NTRK1: variants seen among roughly 807,000 people sequenced by gnomAD.
The protein encoded by NTRK1 is neurotrophic receptor tyrosine kinase 1, also known as high affinity nerve growth factor receptor.
A neutral mutation model predicts 86.8 loss-of-function variants in NTRK1; 62 were observed. That is an observed-to-expected ratio of 0.71 (90% CI 0.58 to 0.88). NTRK1 has a LOEUF of 0.88. Ranked by LOEUF, NTRK1 falls within the 40% of genes least tolerant of loss-of-function variation. The pLI is 0.00. For missense variants in NTRK1, 967 were observed against 1,078.4 expected (o/e 0.90, Z 1.45); for synonymous variants, 469 against 456.6 (o/e 1.03, Z -0.35).
intron 1 of NTRK1, among the ~76,000 whole-genome samples, chr1:156,863,082 G>T (rs1655752415): frequency 6.6e-6 from 1 of 151,486 alleles, no homozygotes; most frequent in Non-Finnish European, 1.5e-5. Flanking sequence ...GTTGGGGTGG[G>T]GGGGGCACAC....
chr1:156,856,328 G>A (rs1296589893), upstream of NTRK1, among the ~76,000 whole-genome samples: 3 of 152,176 alleles, frequency 2.0e-5, no homozygotes, highest in African/African-American at 4.8e-5. Flanking sequence ...CTGTGACTGC[G>A]AAGAAGTGAT....
At position 156,876,492 on chromosome 1, in the gene NTRK1, C is replaced by T. The variant is rs2102919609; in HGVS notation, c.1725C>T (p.Phe575=). 1 of 1,613,810 alleles carries T rather than the reference C, an allele frequency of 6.2e-7. No individual in the cohort carries two copies. The highest frequency in any genetic ancestry group is 8.5e-7 in the Non-Finnish European group (1 of 1,180,026). The change falls in exon 14 of 17, where the codon TTC becomes TTT. Residue 575 remains phenylalanine, a synonymous_variant. Transcript: ENST00000524377. ...TGCAGCACCAGCACATCGTGCGCTTCTTCGGCGTCTGCACCGAGGGCCGCC... is the reference window on the plus strand; with the variant it reads ...TGCAGCACCAGCACATCGTGCGCTTTTTCGGCGTCTGCACCGAGGGCCGCC... ...TMLQHQHIVR[F]FGVCTEGRPL...
intron 2 of NTRK1, 50 bp from the exon 3 acceptor site, chr1:156,864,678 G>A: frequency 1.3e-6 from 2 of 1,592,892 alleles, no homozygotes; most frequent in East Asian, 4.5e-5. Flanking sequence ...AGGGCCAGGG[G>A]CCCAGAGTAG....
At chr1:156,845,772 C>T in intron 2 of NTRK1, 7 of 1,613,310 alleles carry the variant, frequency 4.3e-6, no homozygotes, top group Non-Finnish European at 5.9e-6. Context: ...CCCGTCTTCG[C>T]CGTCGAAGCG....
At chr1:156,844,228 C>A in intron 2 of NTRK1, 1 of 1,613,884 alleles carries the variant, frequency 6.2e-7, no homozygotes, top group Non-Finnish European at 8.5e-7. Flanking sequence ...GCAGCGTGAG[C>A]CCCACAGGGG....
chr1:156,822,509 C>T (rs1211157238), intron 1 of NTRK1, among the ~76,000 whole-genome samples: 4 of 150,254 alleles, frequency 2.7e-5, no homozygotes, highest in Admixed American at 6.7e-5. Context: ...CTGCAGTGAG[C>T]TGTGATCCCA....
chr1:156,853,701 G>C, intron 2 of NTRK1: 1 of 1,536,902 alleles, frequency 6.5e-7, no homozygotes, highest in African/African-American at 1.4e-5. Flanking sequence ...CCAGCCCCAT[G>C]TGACCCTGCT....
chr1:156,843,252 T>TACACTGCAAGGAGGACATA (rs1298901045), intron 2 of NTRK1: 1 of 1,610,162 alleles, frequency 6.2e-7, no homozygotes, highest in Non-Finnish European at 8.5e-7. Context: ...AGGTGGAGGG[T>TACACTGCAAGGAGGACATA]CACAAAGCGA....
intron 2 of NTRK1, chr1:156,846,412 G>A: frequency 1.1e-6 from 1 of 927,330 alleles, no homozygotes; most frequent in South Asian, 1.6e-5. Flanking sequence ...TCCAGCCTCT[G>A]TGGGCCAGGT....
chr1:156,842,218 A>G lies in NTRK1; in HGVS notation c.50+25A>G, dbSNP rs768036718. ...GGTAGGCCATGCCGTCTGCAATCTC[A>G]CCAGCCATTTGGATCATTTCCCCCA... On this transcript the variant is annotated intron_variant, in intron 2 of 16. Transcript: ENST00000392302. The G allele has an allele frequency of 1.9e-6, 3 of 1,613,524 alleles. No individual in the cohort carries two copies. The South Asian group carries it at 3.3e-5, about 18-fold the overall frequency.
Position 156,861,114 on chromosome 1 carries a change from C to G in NTRK1, c.180C>G (p.His60Gln), listed in dbSNP as rs1384007823. ...CTRDGALDSL[H>Q]HLPGAENLTE... ...GGGATGGGGCCCTGGATAGCCTCCA[C>G]CACCTGCCCGGCGCAGAGAACCTGA... Residue 60 changes from histidine (H) to glutamine (Q), a missense_variant, in exon 1 of 17, where the codon CAC becomes CAG. Coordinates refer to ENST00000524377, the MANE Select transcript of NTRK1 (RefSeq NM_002529.4). 1 of 1,583,394 alleles carries G rather than the reference C, an allele frequency of 6.3e-7. No individual in the cohort carries two copies. The highest frequency in any genetic ancestry group is 1.3e-5 in the African/African-American group (1 of 74,608).
intron 2 of NTRK1, chr1:156,849,507 G>T: frequency 8.4e-7 from 1 of 1,194,372 alleles, no homozygotes; most frequent in East Asian, 2.6e-5. Flanking sequence ...TGGGGGCAGG[G>T]GGTGGGAAAG....
intron 2 of NTRK1, chr1:156,842,231 A>G: frequency 6.2e-7 from 1 of 1,613,914 alleles, no homozygotes; most frequent in Non-Finnish European, 8.5e-7. Context: ...AGCCATTTGG[A>G]TCATTTCCCC....
chr1:156,824,544 G>A (rs564091903), intron 1 of NTRK1, among the ~76,000 whole-genome samples: 23 of 152,306 alleles, frequency 1.5e-4, no homozygotes, highest in African/African-American at 5.5e-4. Context: ...TTACTGCCTT[G>A]GACGTCCAAC....
rs765382524 is a variant in NTRK1 at position 156,880,118 on chromosome 1, C to T, written c.2166C>T (p.Thr722=). 3 of 1,613,644 alleles carry T rather than the reference C, an allele frequency of 1.9e-6. No individual in the cohort carries two copies. Among genetic ancestry groups the T allele is most frequent in the Non-Finnish European group, 2.5e-6 (3 of 1,179,978 alleles). Reference sequence around the variant, plus strand: ...GCGTGGTGCTCTGGGAGATCTTCACCTACGGCAAGCAGCCCTGGTACCAGC... The same window carrying T: ...GCGTGGTGCTCTGGGAGATCTTCACTTACGGCAAGCAGCCCTGGTACCAGC... The part of the protein sequence containing the change: ...SFGVVLWEIF[T]YGKQPWYQLS... The change falls in exon 16 of 17, where the codon ACC becomes ACT. Residue 722 remains threonine (T), a synonymous_variant. Transcript: ENST00000524377.
chr1:156,846,024 T>C (rs1654994810), intron 2 of NTRK1: 1 of 1,613,548 alleles, frequency 6.2e-7, no homozygotes, highest in Admixed American at 1.7e-5. Context: ...AGGTAGTAGG[T>C]GAGGTTCCCA....
At chr1:156,860,432 A>G (rs965132663), upstream of NTRK1, among the ~76,000 whole-genome samples, 5 of 151,988 alleles carry the variant, frequency 3.3e-5, no homozygotes, top group African/African-American at 1.2e-4. Context: ...AGAATGTTCT[A>G]CCTAACTTAC....
At position 156,841,850 on chromosome 1, in the gene NTRK1, C is replaced by T. The variant is rs761971539; in HGVS notation, c.-63-231C>T. On this transcript the variant is annotated intron_variant, in intron 1 of 16. Coordinates refer to the NTRK1 transcript ENST00000392302. ...GTGGGGCATAAGAGCCACGCACTAG[C>T]TCCTGCCCCTGGGATACCTCTCCCA... is the stretch of plus-strand genomic sequence containing the variant. 12 of 1,613,500 alleles carry T rather than the reference C, an allele frequency of 7.4e-6. No homozygotes were observed. The African/African-American group carries it at 1.3e-4, about 18-fold the overall frequency.
At chr1:156,839,383 T>G (rs12089571) in intron 1 of NTRK1, among the ~76,000 whole-genome samples, 2,650 of 152,370 alleles carry the variant, frequency 0.017, 56 homozygotes, top group African/African-American at 0.06. Context: ...GTTCTGAGCC[T>G]TGGGCAGCCC....
Sources: gnomAD v4.1 joint callset for allele counts (sites outside exome capture counted in the v4.1 genomes callset) on GRCh38, gnomAD v4.1.1 for gene constraint, MANE v1.5 for transcripts, NCBI Gene and HGNC (gene_info 2026-07-23, HGNC 2026-07-21) for gene names.